The following MYCBP2 variants were observed in gnomAD, a reference collection of about 807,000 sequenced individuals.
MYCBP2 encodes the protein E3 ubiquitin-protein ligase MYCBP2.
A neutral mutation model predicts 525.3 loss-of-function variants in MYCBP2; 120 were observed. The ratio of observed to expected loss-of-function variants is 0.23; its 90% CI spans 0.20 to 0.27. MYCBP2 has a LOEUF of 0.27. Among genes scored for constraint, MYCBP2 ranks in the 10% least tolerant of loss-of-function variants. MYCBP2 has a pLI of 1.00. For missense variants in MYCBP2, 4,149 were observed against 5,657.1 expected (o/e 0.73, Z 8.55); for synonymous variants, 1,894 against 1,955.8 (o/e 0.97, Z 0.83).
Position 77,180,119 on chromosome 13 carries a change from T to C in MYCBP2, c.5133+8A>G, listed in dbSNP as rs965503027. On this transcript the variant is annotated splice_region_variant and intron_variant, in intron 34 of 82. Transcript: ENST00000544440. ...CTTTTTATCCAGTGTCAAAATATAA[T>C]GTATTACCTCAGATCCCAGGGCTGA... 7.5e-6 allele frequency: 12 copies of C among 1,596,512 alleles called. No individual in the cohort carries two copies. The highest frequency in any genetic ancestry group is 1.1e-5 in the South Asian group (1 of 88,532).
chr13:77,098,537 A>G lies in MYCBP2; in HGVS notation c.8617T>C (p.Ser2873Pro), dbSNP rs1439163469. The G allele has an allele frequency of 6.2e-7, 1 of 1,613,718 alleles. No individual in the cohort carries two copies. The highest frequency in any genetic ancestry group is 1.1e-5 in the South Asian group (1 of 91,058). The stretch of plus-strand genomic sequence containing the variant: ...AGGGTATCTGGATCAAGTGTGTAAG[A>G]GTCTGATTTAGAACGTTCCCGAGGA... ...DPPRERSKSD[S>P]YTLDPDTLRK... Residue 2873 changes from serine (S) to proline (P), a missense_variant, in exon 56 of 83, where the codon TCT becomes CCT. This residue lies in a region of MYCBP2 where 653 missense variants were observed against 744.7 expected (regional missense o/e 0.88). Coordinates refer to ENST00000544440, the MANE Select transcript of MYCBP2 (RefSeq NM_015057.5).
At chr13:77,199,191 G>A (rs2062130838) in intron 26 of MYCBP2, among the ~76,000 whole-genome samples, 3 of 152,246 alleles carry the variant, frequency 2.0e-5, no homozygotes, top group African/African-American at 4.8e-5. Context: ...TGCGCACCAT[G>A]CGCGAGCTGA....
At chr13:77,181,999 G>T in intron 32 of MYCBP2, 77 bp from the exon 33 acceptor site, 1 of 1,124,264 alleles carries the variant, frequency 8.9e-7, no homozygotes, top group East Asian at 2.6e-5. Flanking sequence ...ATACATAAAA[G>T]GTAAACCATC....
chr13:77,304,920 G>GA (rs1182443130), intron 1 of MYCBP2, among the ~76,000 whole-genome samples: 5 of 151,536 alleles, frequency 3.3e-5, no homozygotes, highest in South Asian at 2.1e-4. Flanking sequence ...TAAATTCCTT[G>GA]AAAAAATGTA....
chr13:77,261,993 T>A, intron 11 of MYCBP2, 60 bp downstream of exon 11: 1 of 1,318,422 alleles, frequency 7.6e-7, no homozygotes, highest in South Asian at 1.3e-5. Flanking sequence ...AATCAACAGA[T>A]TGTATTTTAA....
At chr13:77,158,329 C>T (rs190211172) in intron 44 of MYCBP2, among the ~76,000 whole-genome samples, 33 of 152,194 alleles carry the variant, frequency 2.2e-4, no homozygotes, top group African/African-American at 6.7e-4. Flanking sequence ...AAATAAATGC[C>T]TTGTCAGAGA....
rs2055213415 is a variant in MYCBP2 at position 77,144,562 on chromosome 13, T to C, written c.7188-2A>G. ...CGGATCAGCATATTCTCACTGGGTCTGAAAAGAAATAAGATGGATATTGGA... is the reference window on the plus strand; with the variant it reads ...CGGATCAGCATATTCTCACTGGGTCCGAAAAGAAATAAGATGGATATTGGA... On this transcript the variant is annotated splice_acceptor_variant, in intron 48 of 82. Transcript: ENST00000544440. LOFTEE classifies it high-confidence loss of function. 1.9e-6 allele frequency: 3 copies of C among 1,595,024 alleles called. No homozygotes were observed. The African/African-American group carries it at 4.0e-5, about 21-fold the overall frequency.
At chr13:77,089,066 G>C in intron 60 of MYCBP2, 35 bp from the exon 61 acceptor site, 1 of 1,459,318 alleles carries the variant, frequency 6.9e-7, no homozygotes, top group Non-Finnish European at 9.4e-7. Flanking sequence ...AATTTTCATA[G>C]GCAGTGCATA....
At chr13:77,071,348 T>C (rs1241469484) in intron 68 of MYCBP2, among the ~76,000 whole-genome samples, 1 of 149,720 alleles carries the variant, frequency 6.7e-6, no homozygotes, top group Non-Finnish European at 1.5e-5. Flanking sequence ...AGAAGGTAAA[T>C]TGTAATATTT....
chr13:77,250,370 G>A (rs1429701044), intron 15 of MYCBP2, among the ~76,000 whole-genome samples: 1 of 152,170 alleles, frequency 6.6e-6, no homozygotes, highest in Non-Finnish European at 1.5e-5. Flanking sequence ...CTATTACAGA[G>A]TTGACAAAGA....
At chr13:77,250,050 C>T (rs1292710856) in intron 15 of MYCBP2, among the ~76,000 whole-genome samples, 7 of 151,792 alleles carry the variant, frequency 4.6e-5, no homozygotes, top group African/African-American at 7.3e-5. Flanking sequence ...GGTGAAACCC[C>T]GTCTCTACTA....
At chr13:77,230,875 G>A (rs887358970) in intron 18 of MYCBP2, among the ~76,000 whole-genome samples, 1 of 152,164 alleles carries the variant, frequency 6.6e-6, no homozygotes. Context: ...TTCCCACTTG[G>A]GGGCTTCATG....
At chr13:77,143,545 C>G (rs1288099826) in intron 49 of MYCBP2, among the ~76,000 whole-genome samples, 1 of 152,190 alleles carries the variant, frequency 6.6e-6, no homozygotes, top group Non-Finnish European at 1.5e-5. Context: ...CTGAGGCTAC[C>G]TGCATCTCAG....
intron 3 of MYCBP2, among the ~76,000 whole-genome samples, chr13:77,287,344 C>T (rs2154358742): frequency 6.6e-6 from 1 of 151,890 alleles, no homozygotes; most frequent in African/African-American, 2.4e-5. Context: ...GCCACAATGC[C>T]GGGCTAATTT....
intron 37 of MYCBP2, 104 bp downstream of exon 37, chr13:77,174,207 G>A (rs561102333): frequency 2.0e-6 from 2 of 991,902 alleles, no homozygotes; most frequent in East Asian, 4.9e-5. Flanking sequence ...AAGATACACT[G>A]TACAATTTAA....
At chr13:77,139,460 C>T (rs2054258561) in intron 51 of MYCBP2, 124 bp from the exon 52 acceptor site, 1 of 1,091,252 alleles carries the variant, frequency 9.2e-7, no homozygotes, top group African/African-American at 1.6e-5. Context: ...CTAGTTTTTG[C>T]AGAAAGTAAG....
chr13:77,292,753 G>A (rs2077618645), intron 2 of MYCBP2, among the ~76,000 whole-genome samples: 1 of 152,086 alleles, frequency 6.6e-6, no homozygotes, highest in Middle Eastern at 3.2e-3. Flanking sequence ...GAGGTCAGGA[G>A]TTTGAGACAG....
At chr13:77,134,203 T>C (rs1027225649) in intron 52 of MYCBP2, among the ~76,000 whole-genome samples, 3 of 151,840 alleles carry the variant, frequency 2.0e-5, no homozygotes, top group African/African-American at 4.8e-5. Context: ...AAACAAAGAC[T>C]CTTAAGACAT....
At chr13:77,307,770 T>A (rs2079651409) in intron 1 of MYCBP2, among the ~76,000 whole-genome samples, 1 of 151,960 alleles carries the variant, frequency 6.6e-6, no homozygotes, top group South Asian at 2.1e-4. Flanking sequence ...TCAGTCTTTA[T>A]CCTTCACATT....
Sources: allele counts gnomAD v4.1 joint callset (sites outside exome capture counted in the v4.1 genomes callset), GRCh38; gene constraint gnomAD v4.1.1; regional missense constraint gnomAD v4.1.1; transcripts MANE v1.5; gene names NCBI Gene and HGNC (gene_info 2026-07-23, HGNC 2026-07-21).